GLRA2: variants seen among roughly 807,000 people sequenced by gnomAD.
The protein encoded by GLRA2 is glycine receptor subunit alpha-2.
In GLRA2, 11 loss-of-function variants were observed where a neutral mutation model predicts 31.6. The ratio of observed to expected loss-of-function variants is 0.35; its 90% CI spans 0.22 to 0.58. The LOEUF is 0.58. GLRA2 is among the 20% of genes least tolerant of loss of function. The probability of loss-of-function intolerance (pLI) is 0.84; values close to 1 mark genes in which losing one functional copy is unlikely to be tolerated. For missense variants in GLRA2, 212 were observed against 351.8 expected (o/e 0.60, Z 3.18); for synonymous variants, 132 against 134.0 (o/e 0.99, Z 0.10).
intron 4 of GLRA2, among the ~76,000 whole-genome samples, chrX:14,582,051 C>G (rs1325545121): frequency 1.4e-5 from 1 of 72,058 alleles, no homozygotes; most frequent in Non-Finnish European, 2.7e-5. Flanking sequence ...ACTCATATAG[C>G]AGTTTCTTTT....
At chrX:14,449,787 A>G in the GLRA2 span, among the ~76,000 whole-genome samples, 1 of 112,235 alleles carries the variant, frequency 8.9e-6, no homozygotes, top group East Asian at 2.8e-4. Flanking sequence ...CCCCATCACA[A>G]TACCCCAGGA....
rs765723233 is a variant in GLRA2, at chrX:14,629,863, A to C, written c.930+20658A>C. ...TAAGAGCCCTACAAGGCAAACTTCTATTTCTTCTCCTCCAGCTTTTGTACA... is the reference window on the plus strand; with the variant it reads ...TAAGAGCCCTACAAGGCAAACTTCTCTTTCTTCTCCTCCAGCTTTTGTACA... On this transcript the variant is annotated intron_variant, in intron 7 of 8. Transcript: ENST00000218075. 3.1e-3 allele frequency among the ~76,000 whole-genome samples: 345 copies of C among 111,305 alleles called. 2 individuals are homozygous for C. Among genetic ancestry groups the C allele is most frequent in the African/African-American group, 0.011 (338 of 30,691 alleles).
At chrX:14,599,235 T>C (rs761606078) in intron 4 of GLRA2, among the ~76,000 whole-genome samples, 4 of 112,327 alleles carry the variant, frequency 3.6e-5, no homozygotes, top group African/African-American at 6.5e-5. Flanking sequence ...CTTCAGGAAA[T>C]GAGTTATTTA....
At chrX:14,583,055 C>CT (rs1193341033) in intron 4 of GLRA2, among the ~76,000 whole-genome samples, 6 of 109,282 alleles carry the variant, frequency 5.5e-5, no homozygotes, top group Admixed American at 9.8e-5. Flanking sequence ...AAAATCAGTT[C>CT]TTTTTTTTTA....
chrX:14,613,499 TAACC>T (rs2090423357), intron 7 of GLRA2, among the ~76,000 whole-genome samples: 1 of 111,582 alleles, frequency 9.0e-6, no homozygotes, highest in Non-Finnish European at 1.9e-5. Context: ...ATAAAAAAAA[TAACC>T]AATACAGCAT....
At chrX:14,526,353 C>T (rs55974834), upstream of GLRA2, among the ~76,000 whole-genome samples, 7,682 of 112,042 alleles carry the variant, frequency 0.069, 267 homozygotes, top group Non-Finnish European at 0.1. Context: ...AATGGAGAAC[C>T]ATAGTATTAA....
At chrX:14,465,900 A>G in the GLRA2 span, among the ~76,000 whole-genome samples, 1 of 111,935 alleles carries the variant, frequency 8.9e-6, no homozygotes, top group African/African-American at 3.3e-5. Flanking sequence ...CTCCATTTTA[A>G]CTTATTATAA....
chrX:14,679,331 C>T (rs759737012), intron 7 of GLRA2, among the ~76,000 whole-genome samples: 2 of 109,910 alleles, frequency 1.8e-5, no homozygotes, highest in South Asian at 7.9e-4. Context: ...GGTGAAAGTG[C>T]CAAGAAGACG....
At chrX:14,598,838 C>T (rs2090236574) in intron 4 of GLRA2, among the ~76,000 whole-genome samples, 1 of 112,010 alleles carries the variant, frequency 8.9e-6, no homozygotes, top group Admixed American at 9.5e-5. Flanking sequence ...ATAAATCTTG[C>T]ATTGTAGTAG....
At chrX:14,459,300 G>T in the GLRA2 span, among the ~76,000 whole-genome samples, 1 of 111,524 alleles carries the variant, frequency 9.0e-6, no homozygotes, top group Admixed American at 9.5e-5. Flanking sequence ...TTGAAGTCAG[G>T]TAGCGTGATG....
the GLRA2 span, among the ~76,000 whole-genome samples, chrX:14,517,656 CA>C: frequency 9.0e-6 from 1 of 111,590 alleles, no homozygotes; most frequent in Non-Finnish European, 1.9e-5. Context: ...TGGGAACTAC[CA>C]TTCAAGATGA....
intron 3 of GLRA2, among the ~76,000 whole-genome samples, chrX:14,574,837 T>C (rs1347767901): frequency 8.9e-6 from 1 of 111,855 alleles, no homozygotes; most frequent in African/African-American, 3.3e-5. Context: ...ACATGATGCA[T>C]AGTTATGGAT....
At chrX:14,614,380 T>C (rs747572446) in intron 7 of GLRA2, among the ~76,000 whole-genome samples, 1 of 111,406 alleles carries the variant, frequency 9.0e-6, no homozygotes, top group Admixed American at 9.6e-5. Flanking sequence ...ATTCTCTGGG[T>C]GATGTCTTAC....
At chrX:14,720,981 C>T (rs1222437847) in intron 8 of GLRA2, among the ~76,000 whole-genome samples, 1 of 109,335 alleles carries the variant, frequency 9.1e-6, no homozygotes, top group Non-Finnish European at 1.9e-5. Context: ...AAAAAATTAG[C>T]CAGACATGGT....
In GLRA2 at chrX:14,546,970, C is replaced by A. The variant is rs369030488; in HGVS notation, c.202+14598C>A. Among the ~76,000 whole-genome samples the A allele has an allele frequency of 4.5e-5, 5 of 111,430 alleles. No homozygotes were observed. In the East Asian group the frequency reaches 1.4e-3, roughly 32 times the overall value. ...CAGTGTCTAACTTTTCATATAAATG[C>A]CAGAATAAATTATCTGCTTCAGTGA... On this transcript the variant is annotated intron_variant, in intron 2 of 8. Transcript: ENST00000218075.
chrX:14,723,764 C>T (rs1346609502), intron 8 of GLRA2, among the ~76,000 whole-genome samples: 3 of 111,935 alleles, frequency 2.7e-5, no homozygotes, highest in African/African-American at 9.7e-5. Context: ...TTTTAAATCT[C>T]TAATGAAATA....
At chrX:14,600,432 C>A (rs1354739714) in intron 4 of GLRA2, among the ~76,000 whole-genome samples, 1 of 111,106 alleles carries the variant, frequency 9.0e-6, no homozygotes, top group Non-Finnish European at 1.9e-5. Flanking sequence ...CTTTTCAAAA[C>A]TATAATGAAA....
the GLRA2 span, among the ~76,000 whole-genome samples, chrX:14,449,273 G>A: frequency 3.6e-5 from 4 of 112,315 alleles, no homozygotes; most frequent in Admixed American, 1.9e-4. Context: ...TGATCCTAAG[G>A]AAGAGGTAAG....
chrX:14,646,371 T>G (rs2090832491), intron 7 of GLRA2, among the ~76,000 whole-genome samples: 1 of 111,946 alleles, frequency 8.9e-6, no homozygotes, highest in South Asian at 3.7e-4. Context: ...TGTTTTGAAT[T>G]CTTTACCTGA....
Sources: gnomAD v4.1 joint callset for allele counts (sites outside exome capture counted in the v4.1 genomes callset) on GRCh38, gnomAD v4.1.1 for gene constraint, MANE v1.5 for transcripts, NCBI Gene and HGNC (gene_info 2026-07-23, HGNC 2026-07-21) for gene names.